The following CFAP96 variants were observed in gnomAD, a reference collection of about 807,000 sequenced individuals.
CFAP96 encodes cilia-and flagella-associated protein 96.
At chr4:185,429,626 T>C in the CFAP96 span, 1 of 639,878 alleles carries the variant, frequency 1.6e-6, no homozygotes, top group Non-Finnish European at 2.6e-6. Flanking sequence ...AAGCATTTAG[T>C]TCTAAAGTTT....
At chr4:185,440,708 C>T in the CFAP96 span, 1 of 1,404,160 alleles carries the variant, frequency 7.1e-7, no homozygotes, top group South Asian at 1.3e-5. Context: ...ACCGTCTTCT[C>T]CTGGTAAAAA....
chr4:185,431,760 A>T, the CFAP96 span, among the ~76,000 whole-genome samples: 2 of 152,342 alleles, frequency 1.3e-5, no homozygotes, highest in Admixed American at 1.3e-4. Flanking sequence ...CAGAGTGTAT[A>T]AGCAAGACCT....
chr4:185,418,625 A>G, the CFAP96 span: 1,240 of 1,613,748 alleles, frequency 7.7e-4, 6 homozygotes, highest in African/African-American at 0.013. Context: ...CAGAAGCATC[A>G]GTCAGTTCTC....
the CFAP96 span, among the ~76,000 whole-genome samples, chr4:185,448,275 C>T: frequency 3.9e-4 from 59 of 152,322 alleles, no homozygotes; most frequent in Admixed American, 3.9e-3. Context: ...CCCGCCTCAG[C>T]CTCCCAAAGT....
the CFAP96 span, chr4:185,445,053 AGAT>A: frequency 2.6e-6 from 4 of 1,551,672 alleles, no homozygotes; most frequent in African/African-American, 2.7e-5. Context: ...TTTCTGGCAA[AGAT>A]GATAAGATTT....
chr4:185,417,369 C>T, the CFAP96 span, among the ~76,000 whole-genome samples: 694 of 152,330 alleles, frequency 4.6e-3, 2 homozygotes, highest in Non-Finnish European at 7.6e-3. Context: ...AATCTAACAG[C>T]TCATCTGTAC....
At chr4:185,417,692 T>G in the CFAP96 span, among the ~76,000 whole-genome samples, 1 of 152,254 alleles carries the variant, frequency 6.6e-6, no homozygotes, top group South Asian at 2.1e-4. Context: ...ATTTTCTATC[T>G]TCAATATCTG....
chr4:185,440,513 T>C, the CFAP96 span: 10 of 1,419,720 alleles, frequency 7.0e-6, no homozygotes, highest in Admixed American at 6.0e-5. Flanking sequence ...ATTTGTGCTA[T>C]GTAATTTCAA....
the CFAP96 span, among the ~76,000 whole-genome samples, chr4:185,419,193 G>A: frequency 2.6e-5 from 4 of 151,542 alleles, no homozygotes; most frequent in African/African-American, 4.9e-5. Flanking sequence ...GTGCAGTGGC[G>A]CGATCTGGGC....
the CFAP96 span, chr4:185,432,015 A>G: frequency 6.4e-7 from 1 of 1,551,608 alleles, no homozygotes; most frequent in Non-Finnish European, 8.7e-7. Context: ...AAAAATAAAC[A>G]GATGCTACCT....
At chr4:185,425,800 C>A in the CFAP96 span, 15 of 1,575,248 alleles carry the variant, frequency 9.5e-6, no homozygotes, top group African/African-American at 1.8e-4. Flanking sequence ...GCTGTGAAGC[C>A]CGCTCGTGGC....
chr4:185,421,769 G>A, the CFAP96 span, among the ~76,000 whole-genome samples: 6 of 152,312 alleles, frequency 3.9e-5, no homozygotes, highest in East Asian at 1.2e-3. Context: ...CGGCTCTGTG[G>A]CTTCTGGCAC....
At chr4:185,412,210 C>T in the CFAP96 span, among the ~76,000 whole-genome samples, 4 of 152,136 alleles carry the variant, frequency 2.6e-5, no homozygotes, top group East Asian at 1.9e-4. Context: ...CCTTGTAATA[C>T]AGATATAATG....
chr4:185,419,162 C>G, the CFAP96 span, among the ~76,000 whole-genome samples: 13 of 151,634 alleles, frequency 8.6e-5, no homozygotes, highest in Non-Finnish European at 1.8e-4. Flanking sequence ...GATGGAGTCT[C>G]GCTCTGTCGC....
At chr4:185,415,299 C>A in the CFAP96 span, 2 of 1,601,380 alleles carry the variant, frequency 1.2e-6, no homozygotes, top group East Asian at 2.2e-5. Flanking sequence ...TACATTTTTC[C>A]ATGTCAGTTA....
At chr4:185,432,046 A>C in the CFAP96 span, 1 of 1,551,712 alleles carries the variant, frequency 6.4e-7, no homozygotes, top group Non-Finnish European at 8.7e-7. Context: ...AAGAAATGTC[A>C]GATCTTCAGG....
chr4:185,437,743 T>C, the CFAP96 span, among the ~76,000 whole-genome samples: 2 of 152,220 alleles, frequency 1.3e-5, no homozygotes, highest in South Asian at 2.1e-4. Context: ...CCTATACTTA[T>C]TGGGTATAAC....
chr4:185,424,243 C>G, the CFAP96 span, among the ~76,000 whole-genome samples: 1 of 151,988 alleles, frequency 6.6e-6, no homozygotes. Context: ...GAGGTCAATG[C>G]TACAGTGAGC....
the CFAP96 span, among the ~76,000 whole-genome samples, chr4:185,430,422 T>C: frequency 1.3e-5 from 2 of 152,182 alleles, no homozygotes; most frequent in African/African-American, 4.8e-5. Flanking sequence ...TGAGACAGCA[T>C]TTAAAAAAAT....
Sources: gnomAD v4.1 joint callset for allele counts (sites outside exome capture counted in the v4.1 genomes callset) on GRCh38, gnomAD v4.1.1 for gene constraint, MANE v1.5 for transcripts, NCBI Gene and HGNC (gene_info 2026-07-23, HGNC 2026-07-21) for gene names.